Variants in RBFOX1 observed in about 807,000 individuals in gnomAD.
The protein encoded by RBFOX1 is RNA binding protein fox-1 homolog 1.
Under a neutral mutation model 57.7 loss-of-function variants are expected in RBFOX1, and 8 were observed. The observed-to-expected ratio is 0.14, with a 90% CI of 0.08 to 0.25. The LOEUF (loss-of-function observed/expected upper bound fraction) is 0.25. Among genes scored for constraint, RBFOX1 ranks in the 10% least tolerant of loss-of-function variants. The pLI, the probability that RBFOX1 is intolerant of heterozygous loss-of-function variation, is 1.00. For synonymous variants in RBFOX1, 326 were observed against 222.4 expected, an observed-to-expected ratio of 1.47 and a Z score of -4.15; for missense variants, 611 against 548.5, an observed-to-expected ratio of 1.11 and a Z score of -1.14.
intron 2 of RBFOX1, among the ~76,000 whole-genome samples, chr16:6,384,933 C>G (rs1264796543): frequency 6.6e-6 from 1 of 152,202 alleles, no homozygotes. Flanking sequence ...AAGAAACTTA[C>G]ACCCAGAAAC....
chr16:5,868,766 T>G (rs2057399415), intron 4 of RBFOX1, among the ~76,000 whole-genome samples: 1 of 152,148 alleles, frequency 6.6e-6, no homozygotes, highest in Admixed American at 6.5e-5. Context: ...TCGAGTGAGT[T>G]ATTAAACAAC....
chr16:7,651,309 T>G (rs1050667078), intron 11 of RBFOX1, among the ~76,000 whole-genome samples: 1 of 152,062 alleles, frequency 6.6e-6, no homozygotes, highest in Non-Finnish European at 1.5e-5. Flanking sequence ...CAAGAGTAAT[T>G]TGGAATGGCT....
At chr16:5,905,987 C>T (rs1475145410) in intron 4 of RBFOX1, among the ~76,000 whole-genome samples, 3 of 152,292 alleles carry the variant, frequency 2.0e-5, no homozygotes, top group Middle Eastern at 6.8e-3. Flanking sequence ...ATGTGGTTTT[C>T]AGGCTGAGTC....
At chr16:6,805,418 C>T (rs115722909) in intron 3 of RBFOX1, among the ~76,000 whole-genome samples, 4 of 151,998 alleles carry the variant, frequency 2.6e-5, no homozygotes, top group African/African-American at 7.3e-5. Context: ...GGGAGAAGAG[C>T]AGAAAAAAAT....
chr16:6,488,571 A>G (rs1026212633), intron 2 of RBFOX1, among the ~76,000 whole-genome samples: 14 of 152,200 alleles, frequency 9.2e-5, no homozygotes, highest in African/African-American at 3.1e-4. Context: ...ATAATTAGAA[A>G]AAGTGATTAG....
intron 4 of RBFOX1, among the ~76,000 whole-genome samples, chr16:7,369,331 TTCTGCAAAGTGGAGGCCCTAGCAAGA>T (rs2097526600): frequency 6.6e-6 from 1 of 152,058 alleles, no homozygotes; most frequent in Non-Finnish European, 1.5e-5. Flanking sequence ...CATCCAGCTT[TTCTGCAAAGTGGAGGCCCTAGCAAGA>T]AGCAAAGGCA....
At chr16:7,071,300 T>G (rs114687901) in intron 4 of RBFOX1, among the ~76,000 whole-genome samples, 1 of 151,940 alleles carries the variant, frequency 6.6e-6, no homozygotes, top group Non-Finnish European at 1.5e-5. Context: ...GTAGGTGGTG[T>G]GAAAAGGTAG....
chr16:7,488,004 A>G (rs1405701085), intron 4 of RBFOX1, among the ~76,000 whole-genome samples: 1 of 152,122 alleles, frequency 6.6e-6, no homozygotes, highest in Non-Finnish European at 1.5e-5. Flanking sequence ...GTAGATTACA[A>G]GAGGCCGGCC....
intron 2 of RBFOX1, among the ~76,000 whole-genome samples, chr16:6,580,463 A>G (rs1222292861): frequency 1.3e-5 from 2 of 152,244 alleles, no homozygotes; most frequent in East Asian, 1.9e-4. Context: ...CAAAGCCACA[A>G]TAATAAACAG....
At chr16:5,595,688 C>T (rs957907742) in intron 2 of RBFOX1, among the ~76,000 whole-genome samples, 1 of 152,218 alleles carries the variant, frequency 6.6e-6, no homozygotes, top group Non-Finnish European at 1.5e-5. Context: ...CAGACAGCCA[C>T]TACCTCCCTC....
intron 4 of RBFOX1, among the ~76,000 whole-genome samples, chr16:7,331,574 AACAGGGAAT>A (rs1172718719): frequency 6.6e-6 from 1 of 152,172 alleles, no homozygotes; most frequent in Non-Finnish European, 1.5e-5. Context: ...TCATCAGGAA[AACAGGGAAT>A]ACATGATAAA....
At chr16:7,178,146 A>C (rs914626653) in intron 4 of RBFOX1, among the ~76,000 whole-genome samples, 3 of 152,236 alleles carry the variant, frequency 2.0e-5, no homozygotes, top group Non-Finnish European at 2.9e-5. Context: ...CAACAACAAC[A>C]AACAAAAAAC....
At chr16:6,152,885 T>C (rs1313221313) in intron 1 of RBFOX1, among the ~76,000 whole-genome samples, 2 of 152,108 alleles carry the variant, frequency 1.3e-5, no homozygotes, top group Non-Finnish European at 2.9e-5. Flanking sequence ...TCTCAGGAGC[T>C]GATCAGGAAA....
intron 1 of RBFOX1, among the ~76,000 whole-genome samples, chr16:6,172,159 A>G (rs2096965665): frequency 6.6e-6 from 1 of 152,046 alleles, no homozygotes; most frequent in South Asian, 2.1e-4. Context: ...GTCACACTGC[A>G]TGGTGGTGGA....
At chr16:5,254,922 C>G (rs948710438) in intron 1 of RBFOX1, among the ~76,000 whole-genome samples, 1 of 152,150 alleles carries the variant, frequency 6.6e-6, no homozygotes. Flanking sequence ...TTGATAAGAT[C>G]TCTGTCCCCA....
chr16:6,384,943 C>A (rs1244639742), intron 2 of RBFOX1, among the ~76,000 whole-genome samples: 1 of 152,232 alleles, frequency 6.6e-6, no homozygotes, highest in Non-Finnish European at 1.5e-5. Flanking sequence ...CACCCAGAAA[C>A]TGCTCCATTT....
chr16:7,218,521 CTT>C (rs937434714), intron 4 of RBFOX1, among the ~76,000 whole-genome samples: 5 of 152,096 alleles, frequency 3.3e-5, no homozygotes, highest in African/African-American at 1.2e-4. Context: ...AGGTGTCACT[CTT>C]TTACCAGCAT....
intron 4 of RBFOX1, among the ~76,000 whole-genome samples, chr16:5,970,960 A>T (rs2059949750): frequency 6.6e-6 from 1 of 152,216 alleles, no homozygotes; most frequent in Non-Finnish European, 1.5e-5. Flanking sequence ...TTATACCCAG[A>T]TGTTTTTCCT....
chr16:6,054,914 C>T (rs1439837382), intron 1 of RBFOX1, among the ~76,000 whole-genome samples: 1 of 152,098 alleles, frequency 6.6e-6, no homozygotes, highest in Non-Finnish European at 1.5e-5. Context: ...TCCCAAGTAG[C>T]TGGGACTGCA....
Sources: allele counts gnomAD v4.1 joint callset (sites outside exome capture counted in the v4.1 genomes callset), GRCh38; gene constraint gnomAD v4.1.1; transcripts MANE v1.5; gene names NCBI Gene and HGNC (gene_info 2026-07-23, HGNC 2026-07-21).